MED27: variants seen among roughly 807,000 people sequenced by gnomAD.
The protein encoded by MED27 is mediator complex subunit 27, also known as mediator of RNA polymerase II transcription subunit 27.
A neutral mutation model predicts 38.2 loss-of-function variants in MED27; 30 were observed. That is an observed-to-expected ratio of 0.79 (90% CI 0.59 to 1.07). The LOEUF (loss-of-function observed/expected upper bound fraction) is 1.07. Among genes scored for constraint, MED27 ranks in the 50% least tolerant of loss-of-function variants. The probability of loss-of-function intolerance (pLI) is 0.00; values close to 1 mark genes in which losing one functional copy is unlikely to be tolerated. For missense variants in MED27, 289 were observed against 397.5 expected (o/e 0.73, Z 2.32); for synonymous variants, 122 against 153.5 (o/e 0.79, Z 1.52).
chr9:131,874,006 C>T (rs1166877092), intron 6 of MED27, among the ~76,000 whole-genome samples: 1 of 152,202 alleles, frequency 6.6e-6, no homozygotes, highest in Non-Finnish European at 1.5e-5. Flanking sequence ...TGTACCCCCG[C>T]TGGCCACTCC....
intron 4 of MED27, among the ~76,000 whole-genome samples, chr9:131,924,603 A>G (rs148285636): frequency 1.8e-3 from 272 of 152,212 alleles, no homozygotes; most frequent in Middle Eastern, 3.4e-3. Context: ...CTGACCTGAG[A>G]TGCCACCTGC....
chr9:131,983,107 T>C (rs1043769162), intron 3 of MED27, among the ~76,000 whole-genome samples: 7 of 152,192 alleles, frequency 4.6e-5, no homozygotes, highest in Non-Finnish European at 1.0e-4. Flanking sequence ...AGCACTTATT[T>C]TGTCCCAGGC....
chr9:131,990,214 A>G (rs1831941758), intron 3 of MED27, among the ~76,000 whole-genome samples: 1 of 152,150 alleles, frequency 6.6e-6, no homozygotes, highest in South Asian at 2.1e-4. Flanking sequence ...AGGGCCCTTA[A>G]CAATGCTTTT....
At chr9:131,907,343 G>T (rs922926571) in intron 4 of MED27, among the ~76,000 whole-genome samples, 3 of 152,028 alleles carry the variant, frequency 2.0e-5, no homozygotes, top group East Asian at 1.9e-4. Flanking sequence ...CTCAGCCTGC[G>T]AGTGCCTGCG....
rs146352595 is a variant in MED27 at position 131,933,908 on chromosome 9, G to A, written c.573+5473C>T. 1.1e-3 allele frequency among the ~76,000 whole-genome samples: 171 copies of A among 152,084 alleles called. No individual in the cohort carries two copies. The East Asian group carries it at 0.027, about 24-fold the overall frequency. Reference sequence around the variant, plus strand: ...GCAGAGCTATAATAACCAAAATAGCGTGGTACTGGCATAAAAAGACACATA... The same window carrying A: ...GCAGAGCTATAATAACCAAAATAGCATGGTACTGGCATAAAAAGACACATA... On this transcript the variant is annotated intron_variant, in intron 4 of 7. Transcript: ENST00000292035.
chr9:132,016,368 A>G (rs1266977207), intron 2 of MED27, among the ~76,000 whole-genome samples: 1 of 152,234 alleles, frequency 6.6e-6, no homozygotes. Flanking sequence ...CAGGTGCCCA[A>G]TACAAGACAA....
intron 3 of MED27, among the ~76,000 whole-genome samples, chr9:131,948,717 A>C (rs1830931874): frequency 2.0e-5 from 3 of 152,110 alleles, no homozygotes; most frequent in Non-Finnish European, 4.4e-5. Context: ...ACACTCAAAA[A>C]CTTCAAGATC....
At chr9:131,915,505 G>C (rs950441389) in intron 4 of MED27, among the ~76,000 whole-genome samples, 1 of 152,148 alleles carries the variant, frequency 6.6e-6, no homozygotes, top group South Asian at 2.1e-4. Flanking sequence ...TTTCACTCTA[G>C]GTTTGATTAA....
intron 3 of MED27, among the ~76,000 whole-genome samples, chr9:131,959,767 TG>T (rs1365447014): frequency 6.6e-6 from 1 of 152,214 alleles, no homozygotes; most frequent in African/African-American, 2.4e-5. Context: ...TGGGAATAAC[TG>T]GAATCTATTA....
chr9:132,019,072 C>A (rs1009239839), intron 2 of MED27, among the ~76,000 whole-genome samples: 1 of 152,168 alleles, frequency 6.6e-6, no homozygotes, highest in Non-Finnish European at 1.5e-5. Context: ...GCCAGTCACT[C>A]TAGGCCAATT....
chr9:132,041,016 G>A (rs981075692), intron 2 of MED27, among the ~76,000 whole-genome samples: 3 of 152,200 alleles, frequency 2.0e-5, no homozygotes, highest in East Asian at 3.8e-4. Context: ...GTGCAACACA[G>A]CAGCCCTGCT....
chr9:131,959,885 T>C (rs1430416840), intron 3 of MED27, among the ~76,000 whole-genome samples: 1 of 152,200 alleles, frequency 6.6e-6, no homozygotes, highest in Non-Finnish European at 1.5e-5. Context: ...GGGGGGCCCA[T>C]TACTAGAAAT....
intron 4 of MED27, among the ~76,000 whole-genome samples, chr9:131,903,882 C>T (rs1046843087): frequency 2.0e-5 from 3 of 146,630 alleles, no homozygotes; most frequent in Non-Finnish European, 4.5e-5. Context: ...CATGCGCCAC[C>T]ACACACAGCT....
intron 2 of MED27, among the ~76,000 whole-genome samples, chr9:132,049,153 C>T (rs1461974408): frequency 6.6e-6 from 1 of 152,190 alleles, no homozygotes; most frequent in African/African-American, 2.4e-5. Context: ...AGCCTAACCA[C>T]CTCATTGTGC....
chr9:131,863,726 G>A lies in MED27; in HGVS notation c.724-586C>T, dbSNP rs139223801. Among the ~76,000 whole-genome samples the A allele has an allele frequency of 2.0e-3, 311 of 152,280 alleles. 2 individuals are homozygous for A. The East Asian group carries it at 0.026, about 13-fold the overall frequency. On this transcript the variant is annotated intron_variant, in intron 6 of 7. Transcript: ENST00000292035. ...TGAGGCTGTTCTGTTGGGCCTCACCGTTGCTAGGATGGCCCTTCGCAGGAG... is the reference window on the plus strand; with the variant it reads ...TGAGGCTGTTCTGTTGGGCCTCACCATTGCTAGGATGGCCCTTCGCAGGAG...
intron 2 of MED27, among the ~76,000 whole-genome samples, chr9:132,040,361 T>C (rs1833180806): frequency 6.6e-6 from 1 of 152,196 alleles, no homozygotes; most frequent in South Asian, 2.1e-4. Flanking sequence ...GCATGGCAGG[T>C]TGCTTAAGAG....
At chr9:131,875,073 T>C (rs547353345) in intron 6 of MED27, among the ~76,000 whole-genome samples, 3 of 151,196 alleles carry the variant, frequency 2.0e-5, no homozygotes, top group Non-Finnish European at 4.4e-5. Flanking sequence ...CCACCCCTGC[T>C]CAGTGGGGGA....
chr9:131,967,851 C>A (rs1182600218), intron 3 of MED27, among the ~76,000 whole-genome samples: 2 of 141,748 alleles, frequency 1.4e-5, no homozygotes, highest in African/African-American at 2.6e-5. Context: ...CGGAGTCTCG[C>A]TCTGCCGCCC....
rs113350117 is a variant in MED27, at chr9:131,885,743, G to C, written c.682-1644C>G. ...CAAATCAATGCCTTCTGTTTCAAGA[G>C]TTTAGAACAAATTAAGTATGGCAAA... On this transcript the variant is annotated intron_variant, in intron 5 of 7. Coordinates refer to ENST00000292035, the MANE Select transcript of MED27 (RefSeq NM_004269.4). Among the ~76,000 whole-genome samples the C allele has an allele frequency of 6.6e-3, 1,008 of 152,302 alleles. 6 individuals carry two copies. Among genetic ancestry groups the C allele is most frequent in the Non-Finnish European group, 0.01 (710 of 68,032 alleles).
Sources: allele counts gnomAD v4.1 joint callset (sites outside exome capture counted in the v4.1 genomes callset), GRCh38; gene constraint gnomAD v4.1.1; transcripts MANE v1.5; gene names NCBI Gene and HGNC (gene_info 2026-07-23, HGNC 2026-07-21).